Variants in ECHDC2 observed in about 807,000 individuals in gnomAD.
ECHDC2 encodes the protein enoyl-CoA hydratase domain-containing protein 2, mitochondrial.
ECHDC2 carries 34 observed loss-of-function variants against 40.6 expected under a neutral mutation model. The observed-to-expected ratio is 0.84, with a 90% CI of 0.64 to 1.11. The LOEUF (loss-of-function observed/expected upper bound fraction) is 1.11. Among genes scored for constraint, ECHDC2 ranks in the 50% most tolerant of loss-of-function variants. The probability of loss-of-function intolerance (pLI) is 0.00; values close to 1 mark genes in which losing one functional copy is unlikely to be tolerated. For synonymous variants in ECHDC2, 162 were observed against 166.6 expected, an observed-to-expected ratio of 0.97 and a Z score of 0.21; for missense variants, 392 against 400.7, an observed-to-expected ratio of 0.98 and a Z score of 0.19.
At chr1:52,905,115 C>T in intron 5 of ECHDC2, 25 bp from the exon 6 acceptor site, 4 of 1,613,060 alleles carry the variant, frequency 2.5e-6, no homozygotes, top group Non-Finnish European at 3.4e-6. Context: ...CAAAGTGAGG[C>T]CTCCCTCCCC....
intron 1 of ECHDC2, among the ~76,000 whole-genome samples, chr1:52,917,214 C>A (rs1223138139): frequency 4.1e-5 from 6 of 145,528 alleles, no homozygotes; most frequent in Admixed American, 3.5e-4. Flanking sequence ...AGAGTGAGAC[C>A]ATCTCAAAGA....
intron 7 of ECHDC2, chr1:52,900,118 GAA>G (rs2150036951): frequency 6.6e-6 from 1 of 152,246 alleles, no homozygotes; most frequent in East Asian, 1.9e-4. Flanking sequence ...AGGTCCACCG[GAA>G]AAGAAGTACG....
At chr1:52,902,780 A>T (rs1168821926) in intron 7 of ECHDC2, among the ~76,000 whole-genome samples, 1 of 152,156 alleles carries the variant, frequency 6.6e-6, no homozygotes, top group African/African-American at 2.4e-5. Flanking sequence ...ATTGTGCAAA[A>T]TAAATGCCAA....
At chr1:52,910,352 GTTTTTTTTTTTTTTTTTTTTTT>G (rs869088329) in intron 3 of ECHDC2, among the ~76,000 whole-genome samples, 866 of 32,156 alleles carry the variant, frequency 0.027, 44 homozygotes, top group African/African-American at 0.089. Flanking sequence ...CCACAATTTC[GTTTTTTTTTTTTTTTTTTTTTT>G]TTTTTTTTTT....
At chr1:52,907,652 G>GT in intron 4 of ECHDC2, 1 of 537,996 alleles carries the variant, frequency 1.9e-6, no homozygotes, top group South Asian at 2.7e-5. Flanking sequence ...CTTGAACCCT[G>GT]AGGGTGGGGC....
At chr1:52,912,199 G>T in intron 1 of ECHDC2, 5 of 264,638 alleles carry the variant, frequency 1.9e-5, no homozygotes, top group Non-Finnish European at 3.1e-5. Flanking sequence ...TGGCGGGGGA[G>T]AGTTTTGCTG....
At position 52,914,099 on chromosome 1, in the gene ECHDC2, G is replaced by C; in HGVS notation, c.122-2309C>G. 3.6e-6 allele frequency: 2 copies of C among 560,182 alleles called. No homozygotes were observed. Among genetic ancestry groups the C allele is most frequent in the Non-Finnish European group, 6.2e-6 (2 of 322,340 alleles). The allele number at this position is 560,182 out of a possible 1,614,324, so 34.7% of individuals were successfully genotyped here. A position where few individuals can be genotyped will look rare whatever the true frequency, so the allele number is the denominator to read the frequency against. On this transcript the variant is annotated intron_variant, in intron 1 of 9. Transcript: ENST00000371522. The surrounding 1 kb of genome is among the most constrained non-coding windows in gnomAD (Gnocchi z 4.0). Reference sequence around the variant, plus strand: ...CTGTCCTCATGGAACCTACAGCCTAGTGGGGAAGACAGACATTAAATAATT... The same window carrying C: ...CTGTCCTCATGGAACCTACAGCCTACTGGGGAAGACAGACATTAAATAATT...
chr1:52,909,337 A>G (rs1037528159), intron 3 of ECHDC2, among the ~76,000 whole-genome samples: 1 of 152,194 alleles, frequency 6.6e-6, no homozygotes, highest in African/African-American at 2.4e-5. Context: ...CTCAGATACA[A>G]AAATCCATGG....
chr1:52,905,221 G>A, intron 5 of ECHDC2, 131 bp from the exon 6 acceptor site: 1 of 961,184 alleles, frequency 1.0e-6, no homozygotes, highest in Non-Finnish European at 1.6e-6. Context: ...CCACAGCCAG[G>A]CCTCTCCAGA....
rs115254131 is a variant in ECHDC2 at position 52,914,811 on chromosome 1, C to T, written c.122-3021G>A. ...AGATCTCAGGCCTCTCAGCTCACAC[C>T]GCTTCTCACAGCCATTAATCTGGCA... On this transcript the variant is annotated intron_variant, in intron 1 of 9. Coordinates refer to ENST00000371522, the MANE Select transcript of ECHDC2 (RefSeq NM_001198961.2). The surrounding 1 kb of genome is among the most constrained non-coding windows in gnomAD (Gnocchi z 4.0). Among the ~76,000 whole-genome samples the T allele has an allele frequency of 3.0e-3, 458 of 152,228 alleles. 4 individuals are homozygous for T. Among genetic ancestry groups the T allele is most frequent in the African/African-American group, 0.01 (426 of 41,518 alleles).
intron 1 of ECHDC2, chr1:52,915,411 G>C: frequency 2.2e-6 from 1 of 453,692 alleles, no homozygotes; most frequent in African/African-American, 2.0e-5. Context: ...AGGAATTACA[G>C]AACTATGGCT....
chr1:52,916,719 A>G (rs1650746503), intron 1 of ECHDC2, among the ~76,000 whole-genome samples: 2 of 152,136 alleles, frequency 1.3e-5, no homozygotes, highest in Non-Finnish European at 2.9e-5. Flanking sequence ...GTCCTGGAGA[A>G]ATGGACAGTA....
chr1:52,911,449 CA>C, intron 3 of ECHDC2, 116 bp downstream of exon 3: 1 of 977,956 alleles, frequency 1.0e-6, no homozygotes, highest in Admixed American at 2.0e-5. Flanking sequence ...TCTGCATTCA[CA>C]TCGGTAAAAT....
chr1:52,901,222 T>C (rs1646973582), intron 7 of ECHDC2: 1 of 151,762 alleles, frequency 6.6e-6, no homozygotes, highest in African/African-American at 2.4e-5. Flanking sequence ...TTAAAAACGG[T>C]ATGTACGTAT....
At chr1:52,909,200 C>A (rs1021331328) in intron 3 of ECHDC2, among the ~76,000 whole-genome samples, 7 of 152,188 alleles carry the variant, frequency 4.6e-5, no homozygotes, top group Admixed American at 3.9e-4. Flanking sequence ...CTGTGGAAAC[C>A]AGTTCCAAAA....
At position 52,899,196 on chromosome 1, in the gene ECHDC2, A is replaced by G. The variant is rs1181047913; in HGVS notation, c.731T>C (p.Val244Ala). The G allele has an allele frequency of 3.3e-5, 53 of 1,613,994 alleles. No individual in the cohort carries two copies. The highest frequency in any genetic ancestry group is 4.3e-5 in the Non-Finnish European group (51 of 1,180,046). The change falls in exon 8 of 10, where the codon GTA becomes GCA. Residue 244 changes from valine to alanine, a missense_variant. Coordinates refer to ENST00000371522, the MANE Select transcript of ECHDC2 (RefSeq NM_001198961.2). Reference sequence around the variant, plus strand: ...CACCTCCGTTCCTCGGTCAATGGCTACTTTGCCCAGCCGCACGGCAATGGG... The same window carrying G: ...CACCTCCGTTCCTCGGTCAATGGCTGCTTTGCCCAGCCGCACGGCAATGGG... ...QAPIAVRLGK[V>A]AIDRGTEVDI...
intron 1 of ECHDC2, among the ~76,000 whole-genome samples, chr1:52,916,847 T>C (rs1416668165): frequency 6.6e-6 from 1 of 152,130 alleles, no homozygotes; most frequent in African/African-American, 2.4e-5. Flanking sequence ...AAACCTACCA[T>C]ACCACTGAGC....
chr1:52,920,512 A>C (rs1294749416), intron 1 of ECHDC2: 9 of 1,525,868 alleles, frequency 5.9e-6, no homozygotes, highest in South Asian at 1.2e-5. Context: ...AAAGAGGAGC[A>C]GAAGAAACTC....
chr1:52,919,097 G>T (rs866751165), intron 1 of ECHDC2, among the ~76,000 whole-genome samples: 3 of 152,134 alleles, frequency 2.0e-5, no homozygotes, highest in Non-Finnish European at 4.4e-5. Flanking sequence ...AATGCCTGAT[G>T]ATCTGAGGTG....
Sources: allele counts gnomAD v4.1 joint callset (sites outside exome capture counted in the v4.1 genomes callset), GRCh38; gene constraint gnomAD v4.1.1; non-coding constraint Gnocchi (gnomAD v3.1); transcripts MANE v1.5; gene names NCBI Gene and HGNC (gene_info 2026-07-23, HGNC 2026-07-21).